The following TNFRSF25 variants were observed in gnomAD, a reference collection of about 807,000 sequenced individuals.
TNFRSF25 encodes TNF receptor superfamily member 25, also known as tumor necrosis factor receptor superfamily member 25.
In TNFRSF25, 28 loss-of-function variants were observed where a neutral mutation model predicts 49.4. The observed-to-expected ratio is 0.57, with a 90% CI of 0.42 to 0.78. The LOEUF (loss-of-function observed/expected upper bound fraction) is 0.78. Ranked by LOEUF, TNFRSF25 falls within the 30% of genes least tolerant of loss-of-function variation. TNFRSF25 has a pLI of 0.00. For synonymous variants in TNFRSF25, 240 were observed against 234.2 expected, an observed-to-expected ratio of 1.02 and a Z score of -0.23; for missense variants, 531 against 581.6, an observed-to-expected ratio of 0.91 and a Z score of 0.90.
At position 6,462,690 on chromosome 1, in the gene TNFRSF25, G is replaced by C. The variant is rs1644212419; in HGVS notation, c.707-24C>G. 1.9e-6 allele frequency: 3 copies of C among 1,612,380 alleles called. No individual in the cohort carries two copies. Among genetic ancestry groups the C allele is most frequent in the Non-Finnish European group, 1.7e-6 (2 of 1,179,188 alleles). On this transcript the variant is annotated intron_variant, in intron 7 of 9. Transcript: ENST00000356876. This position sits in a 1 kb window ranked among gnomAD's most constrained non-coding sequence, Gnocchi z 4.2. ...TGCTGACAGACACAGAGAGATTGCG[G>C]TCAGCCACCAGGCAAGCCTCCTGGA...
chr1:6,463,224 C>T (rs1569788434), intron 5 of TNFRSF25, 97 bp from the exon 6 acceptor site: 6 of 1,192,078 alleles, frequency 5.0e-6, no homozygotes, highest in East Asian at 5.1e-5. Flanking sequence ...GAGACCCTTC[C>T]CTCCCCAGGC....
At chr1:6,464,905 G>A (rs780960853) in intron 3 of TNFRSF25, among the ~76,000 whole-genome samples, 183 bp downstream of exon 3, 3 of 152,246 alleles carry the variant, frequency 2.0e-5, no homozygotes, top group African/African-American at 2.4e-5. Flanking sequence ...GGCACATGGA[G>A]AGATGGGAAG....
In TNFRSF25 at chr1:6,461,913, A is replaced by AG; in HGVS notation, c.925+80dup. 6.6e-7 allele frequency: 1 copy of AG among 1,521,384 alleles called. No individual in the cohort carries two copies. The allele number at this position is 1,521,384 out of a possible 1,614,324, so 94.2% of individuals were successfully genotyped here. On this transcript the variant is annotated intron_variant, in intron 9 of 9. Transcript: ENST00000356876. The surrounding 1 kb of genome is among the most constrained non-coding windows in gnomAD (Gnocchi z 6.3). Reference sequence around the variant, plus strand: ...GGACTCCGTCAGTTAGGGGGCAGAAAGGGAACACGTTGTGAAACCACAACT... The same window carrying AG: ...GGACTCCGTCAGTTAGGGGGCAGAAAGGGGAACACGTTGTGAAACCACAACT...
In TNFRSF25 at chr1:6,464,703, C is replaced by T. The variant is rs1404003660; in HGVS notation, c.312G>A (p.Leu104=). 1.9e-6 allele frequency: 3 copies of T among 1,613,154 alleles called. No homozygotes were observed. In the South Asian group the frequency reaches 3.3e-5, roughly 18 times the overall value. Reference sequence around the variant, plus strand: ...TGTCGGCCACTGCTGAACAGTTCTCCAGCGCCACCTGGGAGGCTGGTGGGG... The same window carrying T: ...TGTCGGCCACTGCTGAACAGTTCTCTAGCGCCACCTGGGAGGCTGGTGGGG... ...ACDEQASQVA[L]ENCSAVADTR... Residue 104 remains leucine, a synonymous_variant, in exon 4 of 10, where the codon CTG becomes CTA. Transcript: ENST00000356876.
At chr1:6,465,822 C>A in intron 1 of TNFRSF25, 1 of 1,424,760 alleles carries the variant, frequency 7.0e-7, no homozygotes, top group Non-Finnish European at 9.1e-7. Flanking sequence ...CCCCCACCCC[C>A]ACCCATGCTT....
Position 6,465,169 on chromosome 1 carries a change from C to A in TNFRSF25, c.214G>T (p.Val72Leu). The change falls in exon 3 of 10, where the codon GTG becomes TTG. Residue 72 changes from valine (V) to leucine (L), a missense_variant. Transcript: ENST00000356876. ...GCCAAGAAGGTGTCTTGGGGACACA[C>A]AAGGCAGGTGGAGTTGCCGCAGGGC... Reference protein sequence around the residue: ...TEPCGNSTCLVCPQDTFLAWE... With the variant: ...TEPCGNSTCLLCPQDTFLAWE... 2 of 1,613,794 alleles carry A rather than the reference C, an allele frequency of 1.2e-6. No individual in the cohort carries two copies. The highest frequency in any genetic ancestry group is 1.7e-6 in the Non-Finnish European group (2 of 1,179,980).
chr1:6,461,970 C>T lies in TNFRSF25; in HGVS notation c.925+24G>A. 1 of 1,585,542 alleles carries T rather than the reference C, an allele frequency of 6.3e-7. No individual in the cohort carries two copies. Among genetic ancestry groups the T allele is most frequent in the Non-Finnish European group, 8.6e-7 (1 of 1,168,308 alleles). ...CGCAGACAGGAGAATGGGGTCAAGGCCTCAGGCCACTGATGTCCCTTACCA... is the reference window on the plus strand; with the variant it reads ...CGCAGACAGGAGAATGGGGTCAAGGTCTCAGGCCACTGATGTCCCTTACCA... On this transcript the variant is annotated intron_variant, in intron 9 of 9. Coordinates refer to ENST00000356876, the MANE Select transcript of TNFRSF25 (RefSeq NM_003790.3). This position sits in a 1 kb window ranked among gnomAD's most constrained non-coding sequence, Gnocchi z 6.3.
chr1:6,463,725 C>CAAAAAAAAAAAAAAA (rs55660538), intron 5 of TNFRSF25: 2 of 27,588 alleles, frequency 7.2e-5, no homozygotes, highest in African/African-American at 2.7e-4. Context: ...GTCTCCATCT[C>CAAAAAAAAAAAAAAA]AAAAAAAAAA....
chr1:6,463,077 C>T lies in TNFRSF25; in HGVS notation c.593G>A (p.Arg198Lys), dbSNP rs191917870. ...PERCAAVCGW[R>K]QMFWVQVLLA... is the part of the protein sequence containing the mutation. Reference sequence around the variant, plus strand: ...ATTCCCAGCACACCACCTACTCTGCCTCCAGCCACAGACAGCGGCACAGCG... The same window carrying T: ...ATTCCCAGCACACCACCTACTCTGCTTCCAGCCACAGACAGCGGCACAGCG... Residue 198 changes from arginine (R) to lysine (K), a missense_variant, in exon 6 of 10, where the codon AGG (arginine) becomes AAG (lysine). By Grantham distance (26) the Arg-to-Lys change is conservative. Coordinates refer to ENST00000356876, the MANE Select transcript of TNFRSF25 (RefSeq NM_003790.3). 86 of 1,551,902 alleles carry T rather than the reference C, an allele frequency of 5.5e-5. No individual in the cohort carries two copies. The East Asian group carries it at 2.1e-3, about 38-fold the overall frequency.
At position 6,461,565 on chromosome 1, in the gene TNFRSF25, G is replaced by T; in HGVS notation, c.1123C>A (p.Gln375Lys). 6.2e-7 allele frequency: 1 copy of T among 1,610,254 alleles called. No homozygotes were observed. The change falls in exon 10 of 10, where the codon CAG becomes AAG. Residue 375 changes from glutamine to lysine, a missense_variant. By Grantham distance (53) the Gln-to-Lys change is moderately conservative. Coordinates refer to ENST00000356876, the MANE Select transcript of TNFRSF25 (RefSeq NM_003790.3). This position sits in a 1 kb window ranked among gnomAD's most constrained non-coding sequence, Gnocchi z 6.3. ...CGCCAGCGCTTGAGCATCTCGTACTGCTGGTCTCGGAAGCGGCCGATCTCC... is the reference window on the plus strand; with the variant it reads ...CGCCAGCGCTTGAGCATCTCGTACTTCTGGTCTCGGAAGCGGCCGATCTCC... Reference protein sequence around the residue: ...EVEIGRFRDQQYEMLKRWRQQ... With the variant: ...EVEIGRFRDQKYEMLKRWRQQ...
In TNFRSF25 at chr1:6,462,213, C is replaced by T. The variant is rs774305930; in HGVS notation, c.745-39G>A. On this transcript the variant is annotated intron_variant, in intron 8 of 9. Transcript: ENST00000356876. The surrounding 1 kb of genome is among the most constrained non-coding windows in gnomAD (Gnocchi z 4.2). ...GGGGCCCCAGGTCAGCCCTGCTTGCCAAGTAAGGCCCCTTACCCGCAGTGC... is the reference window on the plus strand; with the variant it reads ...GGGGCCCCAGGTCAGCCCTGCTTGCTAAGTAAGGCCCCTTACCCGCAGTGC... The T allele has an allele frequency of 1.3e-6, 2 of 1,566,536 alleles. No homozygotes were observed. Among genetic ancestry groups the T allele is most frequent in the East Asian group, 2.3e-5 (1 of 44,334 alleles).
In TNFRSF25 at chr1:6,461,942, C is replaced by T; in HGVS notation, c.925+52G>A. On this transcript the variant is annotated intron_variant, in intron 9 of 9. Coordinates refer to ENST00000356876, the MANE Select transcript of TNFRSF25 (RefSeq NM_003790.3). The surrounding 1 kb of genome is among the most constrained non-coding windows in gnomAD (Gnocchi z 6.3). ...AACACGTTGTGAAACCACAACTTCCCACCGCAGACAGGAGAATGGGGTCAA... is the reference window on the plus strand; with the variant it reads ...AACACGTTGTGAAACCACAACTTCCTACCGCAGACAGGAGAATGGGGTCAA... The T allele has an allele frequency of 6.5e-7, 1 of 1,550,066 alleles. No homozygotes were observed. The highest frequency in any genetic ancestry group is 8.7e-7 in the Non-Finnish European group (1 of 1,151,192).
At chr1:6,464,476 G>A (rs527247057) in intron 4 of TNFRSF25, 23 bp from the exon 5 acceptor site, 34 of 1,611,432 alleles carry the variant, frequency 2.1e-5, no homozygotes, top group East Asian at 4.5e-5. Flanking sequence ...AGAGGCATGC[G>A]TCACCATGGG....
rs746396895 is a variant in TNFRSF25 at position 6,466,055 on chromosome 1, G to C, written c.39+14C>G. On this transcript the variant is annotated intron_variant, in intron 1 of 9. Coordinates refer to ENST00000356876, the MANE Select transcript of TNFRSF25 (RefSeq NM_003790.3). ...GGCTCAAAGCTGCCCCTAGCCTCCT[G>C]CGTCTCAACTCACCGCCGCCACCGC... The C allele has an allele frequency of 1.6e-5, 25 of 1,580,778 alleles. No homozygotes were observed. The highest frequency in any genetic ancestry group is 2.1e-5 in the Non-Finnish European group (25 of 1,165,838).
At chr1:6,466,028 A>C (rs2148568255) in intron 1 of TNFRSF25, 41 bp downstream of exon 1, 1 of 1,562,358 alleles carries the variant, frequency 6.4e-7, no homozygotes, top group East Asian at 2.5e-5. Flanking sequence ...CTCTTGGGAC[A>C]GGGCTCAAAG....
Position 6,464,394 on chromosome 1 carries a change from C to A in TNFRSF25, c.523G>T (p.Gly175Cys), listed in dbSNP as rs776514042. ...CLPGFYEHGD[G>C]CVSCPTSTLG... ...AATTACGTGGGGCAGGACACGCAGCCATCGCCATGTTCATAGAAGCCAGGC... is the reference window on the plus strand; with the variant it reads ...AATTACGTGGGGCAGGACACGCAGCAATCGCCATGTTCATAGAAGCCAGGC... The change falls in exon 5 of 10, where the codon GGC (glycine) becomes TGC (cysteine). Residue 175 changes from glycine (G) to cysteine (C), a missense_variant. Coordinates refer to ENST00000356876, the MANE Select transcript of TNFRSF25 (RefSeq NM_003790.3). The A allele has an allele frequency of 6.2e-7, 1 of 1,610,782 alleles. No individual in the cohort carries two copies. The highest frequency in any genetic ancestry group is 8.5e-7 in the Non-Finnish European group (1 of 1,178,798).
Position 6,465,471 on chromosome 1 carries a change from A to G in TNFRSF25, c.129T>C (p.Ile43=). 6.2e-7 allele frequency: 1 copy of G among 1,613,942 alleles called. No individual in the cohort carries two copies. Among genetic ancestry groups the G allele is most frequent in the Non-Finnish European group, 8.5e-7 (1 of 1,179,960 alleles). The stretch of plus-strand genomic sequence containing the variant: ...GGCAGCCTCTGCAACAAAACAGACC[A>G]ATCTTCTTGTGGAAGTCACCGGCAC... The part of the protein sequence containing the change: ...CDCAGDFHKK[I]GLFCCRGCPA... Residue 43 remains isoleucine, a synonymous_variant, in exon 2 of 10, where the codon ATT becomes ATC. Transcript: ENST00000356876.
rs978252605 is a variant in TNFRSF25, at chr1:6,460,996, T to C, written c.*438A>G. ...CCTTCTCGGGGTAATTGAGCCAGAG[T>C]GGACTCGGGAGGGGCAGGCTTGGGA... On this transcript the variant is annotated 3_prime_UTR_variant, in exon 10 of 10. Transcript: ENST00000356876. 1.3e-5 allele frequency: 5 copies of C among 380,660 alleles called. No individual in the cohort carries two copies. The highest frequency in any genetic ancestry group is 4.3e-5 in the African/African-American group (2 of 46,748). 23.6% of individuals were successfully genotyped at this position (380,660 alleles called of 1,614,324 possible).
At chr1:6,465,683 G>C (rs1158469842) in intron 1 of TNFRSF25, 123 bp from the exon 2 acceptor site, 2 of 1,466,614 alleles carry the variant, frequency 1.4e-6, no homozygotes, top group Non-Finnish European at 1.8e-6. Context: ...CCAGGCCCCG[G>C]GCAGAAGGGG....
Sources: allele counts gnomAD v4.1 joint callset (sites outside exome capture counted in the v4.1 genomes callset), GRCh38; gene constraint gnomAD v4.1.1; non-coding constraint Gnocchi (gnomAD v3.1); transcripts MANE v1.5; gene names NCBI Gene and HGNC (gene_info 2026-07-23, HGNC 2026-07-21).